WFDC1: variants seen among roughly 807,000 people sequenced by gnomAD.
WFDC1 encodes the protein WAP four-disulfide core domain 1, also known as WAP four-disulfide core domain protein 1.
In WFDC1, 39 loss-of-function variants were observed where a neutral mutation model predicts 32.9. That is an observed-to-expected ratio of 1.19 (90% CI 0.92 to 1.55). The LOEUF is 1.55. Among genes scored for constraint, WFDC1 ranks in the 40% most tolerant of loss-of-function variants. WFDC1 has a pLI of 0.00. For missense variants in WFDC1, 386 were observed against 309.5 expected (o/e 1.25, Z -1.85); for synonymous variants, 184 against 137.4 (o/e 1.34, Z -2.37).
At chr16:84,296,911 G>A (rs777283408) in intron 1 of WFDC1, 1 of 152,150 alleles carries the variant, frequency 6.6e-6, no homozygotes, top group African/African-American at 2.4e-5. Flanking sequence ...CCAGAGGGGA[G>A]GCATTGAGGA....
At chr16:84,312,550 A>G (rs577387987) in intron 1 of WFDC1, among the ~76,000 whole-genome samples, 1 of 152,212 alleles carries the variant, frequency 6.6e-6, no homozygotes, top group South Asian at 2.1e-4. Flanking sequence ...AAATCCACAC[A>G]TATGTACATA....
intron 1 of WFDC1, among the ~76,000 whole-genome samples, chr16:84,309,272 A>G (rs922829853): frequency 2.6e-5 from 4 of 152,040 alleles, no homozygotes; most frequent in Admixed American, 1.3e-4. Flanking sequence ...TATTAAATCG[A>G]AAAAGTAACA....
At chr16:84,324,333 A>G (rs936465536) in intron 4 of WFDC1, 86 bp from the exon 5 acceptor site, 1 of 1,273,838 alleles carries the variant, frequency 7.9e-7, no homozygotes, top group South Asian at 1.2e-5. Flanking sequence ...ACTGAAAAAC[A>G]CAAGTAATTC....
chr16:84,309,075 G>A (rs536110040), intron 1 of WFDC1, among the ~76,000 whole-genome samples: 26 of 152,300 alleles, frequency 1.7e-4, no homozygotes, highest in African/African-American at 4.3e-4. Context: ...AACCAAGGCC[G>A]TTAGCTGTGG....
chr16:84,301,632 C>T (rs929061218), intron 1 of WFDC1, among the ~76,000 whole-genome samples: 3 of 152,136 alleles, frequency 2.0e-5, no homozygotes, highest in Non-Finnish European at 2.9e-5. Context: ...AGAAAAGCCC[C>T]GGAGCTGCCT....
chr16:84,299,021 C>G (rs1230890312), intron 1 of WFDC1, among the ~76,000 whole-genome samples: 1 of 152,180 alleles, frequency 6.6e-6, no homozygotes, highest in Admixed American at 6.5e-5. Context: ...TGGCACAGAA[C>G]TGCATTCCCT....
At chr16:84,314,014 C>G (rs1437323401) in intron 2 of WFDC1, among the ~76,000 whole-genome samples, 2 of 150,676 alleles carry the variant, frequency 1.3e-5, no homozygotes, top group African/African-American at 2.4e-5. Flanking sequence ...TGCACTCCAG[C>G]GTGGGTGACA....
chr16:84,309,741 G>C (rs925192680), intron 1 of WFDC1, among the ~76,000 whole-genome samples: 4 of 152,042 alleles, frequency 2.6e-5, no homozygotes, highest in Admixed American at 6.6e-5. Context: ...CCCTGTTCCG[G>C]TGGCTGCTGG....
At chr16:84,295,486 T>C in intron 1 of WFDC1, 1 of 378,552 alleles carries the variant, frequency 2.6e-6, no homozygotes, top group Non-Finnish European at 4.7e-6. Context: ...AATACACTTA[T>C]GCATTCATGT....
intron 2 of WFDC1, chr16:84,315,968 C>G (rs1041907269): frequency 1.3e-5 from 2 of 152,224 alleles, no homozygotes; most frequent in African/African-American, 4.8e-5. Context: ...GGGTCTTCAA[C>G]TAGAGTAATG....
intron 6 of WFDC1, 117 bp from the exon 7 acceptor site, chr16:84,329,205 G>A (rs1318714049): frequency 6.6e-6 from 1 of 152,452 alleles, no homozygotes; most frequent in African/African-American, 2.4e-5. Context: ...GGTGGCGGCG[G>A]GGAGACGAAA....
intron 1 of WFDC1, chr16:84,296,747 A>C (rs1466345948): frequency 6.6e-6 from 1 of 152,236 alleles, no homozygotes; most frequent in Admixed American, 6.5e-5. Flanking sequence ...TAGTCACCTA[A>C]GGCTTCCTGG....
chr16:84,308,843 G>A (rs572084833), intron 1 of WFDC1, among the ~76,000 whole-genome samples: 1 of 114,510 alleles, frequency 8.7e-6, no homozygotes, highest in South Asian at 2.3e-4. Context: ...GCCAGCCTGG[G>A]TGTAGATGCC....
At chr16:84,295,218 C>G (rs766874203) in intron 1 of WFDC1, 103 bp downstream of exon 1, 19 of 1,468,606 alleles carry the variant, frequency 1.3e-5, no homozygotes, top group Non-Finnish European at 1.7e-5. Flanking sequence ...AGTGCTCCCC[C>G]AAAACGTGGC....
intron 6 of WFDC1, 148 bp downstream of exon 6, chr16:84,327,103 C>A: frequency 1.4e-6 from 1 of 727,240 alleles, no homozygotes; most frequent in Non-Finnish European, 2.4e-6. Flanking sequence ...GCAGTAAGTC[C>A]TCACCTAACG....
rs1170384032 is a variant in WFDC1, at chr16:84,324,418, G to C, written c.563-1G>C. On this transcript the variant is annotated splice_acceptor_variant, in intron 4 of 6. Transcript: ENST00000219454. LOFTEE classifies it high-confidence loss of function. ...GTTTTTTCCTCTCACTTGTTTTCCA[G>C]ATGGGCGAATCCTACGACACAAACT... is the stretch of plus-strand genomic sequence containing the variant. 1 of 1,613,644 alleles carries C rather than the reference G, an allele frequency of 6.2e-7. No individual in the cohort carries two copies. Among genetic ancestry groups the C allele is most frequent in the South Asian group, 1.1e-5 (1 of 90,912 alleles).
intron 1 of WFDC1, among the ~76,000 whole-genome samples, chr16:84,304,569 G>T (rs929946393): frequency 1.3e-5 from 2 of 152,172 alleles, no homozygotes; most frequent in Non-Finnish European, 2.9e-5. Flanking sequence ...GAACCGGAGG[G>T]TTCTTGTCTA....
At chr16:84,306,596 C>G (rs899186133) in intron 1 of WFDC1, among the ~76,000 whole-genome samples, 1 of 152,208 alleles carries the variant, frequency 6.6e-6, no homozygotes, top group Non-Finnish European at 1.5e-5. Context: ...GATGCTTGCC[C>G]ATAGCACAGC....
At chr16:84,324,365 G>C (rs1316328461) in intron 4 of WFDC1, 54 bp from the exon 5 acceptor site, 6 of 1,533,256 alleles carry the variant, frequency 3.9e-6, no homozygotes, top group Non-Finnish European at 5.4e-6. Context: ...TATGACAACA[G>C]TTTTGGCCTT....
Sources: allele counts gnomAD v4.1 joint callset (sites outside exome capture counted in the v4.1 genomes callset), GRCh38; gene constraint gnomAD v4.1.1; transcripts MANE v1.5; gene names NCBI Gene and HGNC (gene_info 2026-07-23, HGNC 2026-07-21).